Variants in CGRRF1 observed in about 807,000 individuals in gnomAD.
The protein encoded by CGRRF1 is cell growth regulator with ring finger domain 1.
Under a neutral mutation model 37.2 loss-of-function variants are expected in CGRRF1, and 32 were observed. The observed-to-expected ratio is 0.86, with a 90% CI of 0.65 to 1.16. CGRRF1 has a LOEUF of 1.16. Among genes scored for constraint, CGRRF1 ranks in the 50% most tolerant of loss-of-function variants. The pLI, the probability that CGRRF1 is intolerant of heterozygous loss-of-function variation, is 0.00. For missense variants in CGRRF1, 391 were observed against 382.6 expected (o/e 1.02, Z -0.18); for synonymous variants, 141 against 140.3 (o/e 1.00, Z -0.04).
Position 54,521,727 on chromosome 14 carries a change from G to A in CGRRF1, c.105-727G>A, listed in dbSNP as rs530754702. On this transcript the variant is annotated intron_variant, in intron 1 of 5. Transcript: ENST00000216420. The stretch of plus-strand genomic sequence containing the variant: ...ACTATGTTTTGGCCAGGCTGGTCTC[G>A]AACTCCTGACCTCAAGTGATCCTCC... Among the ~76,000 whole-genome samples, 17 of 151,900 alleles carry A rather than the reference G, an allele frequency of 1.1e-4. No homozygotes were observed. In the South Asian group the frequency reaches 1.7e-3, roughly 15 times the overall value.
intron 2 of CGRRF1, 140 bp from the exon 3 acceptor site, chr14:54,529,909 G>A: frequency 3.6e-6 from 2 of 551,042 alleles, no homozygotes; most frequent in South Asian, 3.5e-5. Flanking sequence ...TCGTTTATAG[G>A]AGGCATACCC....
intron 4 of CGRRF1, among the ~76,000 whole-genome samples, chr14:54,533,596 AG>A (rs2032554060): frequency 6.6e-6 from 1 of 151,928 alleles, no homozygotes; most frequent in Non-Finnish European, 1.5e-5. Context: ...GTGTTTTTTC[AG>A]TATTGTATGT....
rs774244099 is a variant in CGRRF1 at position 54,509,920 on chromosome 14, T to C, written c.-40T>C. 8.4e-5 allele frequency: 125 copies of C among 1,490,256 alleles called. No homozygotes were observed. Among genetic ancestry groups the C allele is most frequent in the Admixed American group, 1.7e-4 (10 of 59,678 alleles). 92.3% of individuals were successfully genotyped at this position (1,490,256 alleles called of 1,614,324 possible). A position where few individuals can be genotyped will look rare whatever the true frequency, so the allele number is the denominator to read the frequency against. On this transcript the variant is annotated 5_prime_UTR_variant, in exon 1 of 6. Transcript: ENST00000216420. Reference sequence around the variant, plus strand: ...GGGGCTCAGCCGGGCTGGGCTGGGCTCCGCGGCTGGAGCCGGGCTCTACCC... The same window carrying C: ...GGGGCTCAGCCGGGCTGGGCTGGGCCCCGCGGCTGGAGCCGGGCTCTACCC...
At chr14:54,536,524 TGA>T (rs2032604101) in intron 4 of CGRRF1, 1 of 152,228 alleles carries the variant, frequency 6.6e-6, no homozygotes, top group Non-Finnish European at 1.5e-5. Flanking sequence ...CAACAATATA[TGA>T]GAGTGTATTT....
At chr14:54,517,361 G>A (rs989238984) in intron 1 of CGRRF1, among the ~76,000 whole-genome samples, 6 of 152,122 alleles carry the variant, frequency 3.9e-5, no homozygotes, top group African/African-American at 1.4e-4. Flanking sequence ...AGCTTTGTTA[G>A]GCAGGACCAG....
At chr14:54,524,394 T>A (rs1195601338) in intron 2 of CGRRF1, among the ~76,000 whole-genome samples, 7 of 151,102 alleles carry the variant, frequency 4.6e-5, no homozygotes, top group African/African-American at 1.7e-4. Context: ...TGTTTTTTTT[T>A]TTTTTTTTCG....
At chr14:54,531,100 TGG>T (rs1297040731) in intron 4 of CGRRF1, 50 bp downstream of exon 4, 1 of 1,348,992 alleles carries the variant, frequency 7.4e-7, no homozygotes, top group Non-Finnish European at 1.0e-6. Flanking sequence ...ATTTGAATGG[TGG>T]TTCTTCATTA....
intron 1 of CGRRF1, among the ~76,000 whole-genome samples, chr14:54,518,384 A>G (rs2032252663): frequency 6.6e-6 from 1 of 151,950 alleles, no homozygotes; most frequent in African/African-American, 2.4e-5. Flanking sequence ...CGTCTCTACT[A>G]AAAATACAAA....
rs984072424 is a variant in CGRRF1, at chr14:54,531,128, A to C, written c.570+78A>C. 20 of 1,198,928 alleles carry C rather than the reference A, an allele frequency of 1.7e-5. No individual in the cohort carries two copies. The African/African-American group carries it at 2.9e-4, about 18-fold the overall frequency. 74.3% of individuals were successfully genotyped at this position (1,198,928 alleles called of 1,614,324 possible). On this transcript the variant is annotated intron_variant, in intron 4 of 5. Coordinates refer to ENST00000216420, the MANE Select transcript of CGRRF1 (RefSeq NM_006568.3). ...TTCTTCATTATTTGATAAATAGAAA[A>C]AGTTTTATTTTAATTTCTGAGGATG... is the stretch of plus-strand genomic sequence containing the variant.
chr14:54,520,255 C>G (rs1372771349), intron 1 of CGRRF1, among the ~76,000 whole-genome samples: 1 of 151,884 alleles, frequency 6.6e-6, no homozygotes, highest in East Asian at 1.9e-4. Context: ...ACTGCAGGCG[C>G]CCACCACCAC....
rs765755970 is a variant in CGRRF1, at chr14:54,522,643, T to G, written c.244+50T>G. The G allele has an allele frequency of 5.3e-6, 8 of 1,499,492 alleles. No individual in the cohort carries two copies. The South Asian group carries it at 1.0e-4, about 19-fold the overall frequency. The allele number at this position is 1,499,492 out of a possible 1,614,324, so 92.9% of individuals were successfully genotyped here. ...TTCTCTCATTGTTTGCCCTCTTTTT[T>G]TAGCCCTTTTATTTTCTTTCTCTAT... is the stretch of plus-strand genomic sequence containing the variant. On this transcript the variant is annotated intron_variant, in intron 2 of 5. Coordinates refer to ENST00000216420, the MANE Select transcript of CGRRF1 (RefSeq NM_006568.3).
At chr14:54,524,902 A>C (rs946812997) in intron 2 of CGRRF1, among the ~76,000 whole-genome samples, 50 of 152,256 alleles carry the variant, frequency 3.3e-4, no homozygotes, top group African/African-American at 1.2e-3. Flanking sequence ...TAGGTTGTGC[A>C]TGCCTGATTA....
chr14:54,529,942 C>T, intron 2 of CGRRF1, 107 bp from the exon 3 acceptor site: 1 of 810,398 alleles, frequency 1.2e-6, no homozygotes, highest in Admixed American at 2.7e-5. Context: ...TTTTAACTGC[C>T]ATCATCCTGG....
chr14:54,529,620 G>C (rs891204388), intron 2 of CGRRF1, among the ~76,000 whole-genome samples: 1 of 152,156 alleles, frequency 6.6e-6, no homozygotes, highest in African/African-American at 2.4e-5. Context: ...ATGTTGTGGA[G>C]CCTATAGGTT....
chr14:54,538,452 A>G lies in CGRRF1; in HGVS notation c.*69A>G. ...GAAATTGATGATCTTGGAATTCATC[A>G]TAACATGGAATCTACAGTACTGACC... On this transcript the variant is annotated 3_prime_UTR_variant, in exon 6 of 6. Transcript: ENST00000216420. 1 of 1,124,236 alleles carries G rather than the reference A, an allele frequency of 8.9e-7. No homozygotes were observed. Among genetic ancestry groups the G allele is most frequent in the South Asian group, 1.5e-5 (1 of 66,936 alleles). 69.6% of individuals were successfully genotyped at this position (1,124,236 alleles called of 1,614,324 possible).
At chr14:54,512,303 T>C (rs1172670805) in intron 1 of CGRRF1, among the ~76,000 whole-genome samples, 1 of 152,220 alleles carries the variant, frequency 6.6e-6, no homozygotes, top group Non-Finnish European at 1.5e-5. Flanking sequence ...CATATGATTA[T>C]TGGAATCCCA....
intron 2 of CGRRF1, among the ~76,000 whole-genome samples, chr14:54,527,216 C>CA (rs57322104): frequency 3.9e-4 from 57 of 144,614 alleles, no homozygotes; most frequent in Admixed American, 8.9e-4. Context: ...AAACTCTTTG[C>CA]AAAAAAAAAA....
intron 1 of CGRRF1, among the ~76,000 whole-genome samples, chr14:54,516,799 GCTGA>G (rs1398928424): frequency 6.6e-6 from 1 of 152,106 alleles, no homozygotes; most frequent in Non-Finnish European, 1.5e-5. Context: ...CAGTTACATG[GCTGA>G]CTAAAAGTTG....
At chr14:54,516,212 A>T (rs1483143283) in intron 1 of CGRRF1, among the ~76,000 whole-genome samples, 1 of 152,186 alleles carries the variant, frequency 6.6e-6, no homozygotes, top group Non-Finnish European at 1.5e-5. Flanking sequence ...TAAGAAAAGC[A>T]TTATAATTCC....
Sources: gnomAD v4.1 joint callset for allele counts (sites outside exome capture counted in the v4.1 genomes callset) on GRCh38, gnomAD v4.1.1 for gene constraint, MANE v1.5 for transcripts, NCBI Gene and HGNC (gene_info 2026-07-23, HGNC 2026-07-21) for gene names.